CUBN: variants seen among roughly 807,000 people sequenced by gnomAD.
The protein encoded by CUBN is 460 kDa receptor.
A neutral mutation model predicts 405.3 loss-of-function variants in CUBN; 282 were observed. The observed-to-expected ratio is 0.70, with a 90% CI of 0.63 to 0.77. The LOEUF is 0.77. Ranked by LOEUF, CUBN falls within the 30% of genes least tolerant of loss-of-function variation. The pLI is 0.00. For synonymous variants in CUBN, 1,684 were observed against 1,617.0 expected, an observed-to-expected ratio of 1.04 and a Z score of -0.99; for missense variants, 4,514 against 4,475.2, an observed-to-expected ratio of 1.01 and a Z score of -0.25.
rs1835601624 is a variant in CUBN at position 17,065,752 on chromosome 10, A to G, written c.3009-114T>C. The G allele has an allele frequency of 3.2e-6, 4 of 1,237,794 alleles. No homozygotes were observed. The South Asian group carries it at 3.7e-5, about 11-fold the overall frequency. The allele number at this position is 1,237,794 out of a possible 1,614,324, so 76.7% of individuals were successfully genotyped here. A position where few individuals can be genotyped will look rare whatever the true frequency, so the allele number is the denominator to read the frequency against. On this transcript the variant is annotated intron_variant, in intron 21 of 66. Transcript: ENST00000377833. The stretch of plus-strand genomic sequence containing the variant: ...TAATAGGTTTTGTTCTCTACCTCTC[A>G]TCAACCTTAAAACACAAATATATTT...
intron 27 of CUBN, among the ~76,000 whole-genome samples, chr10:17,037,686 C>G (rs763026453): frequency 2.0e-5 from 3 of 152,166 alleles, no homozygotes; most frequent in Non-Finnish European, 4.4e-5. Flanking sequence ...AGATGAGGAC[C>G]AGTTAGGGAA....
chr10:16,884,262 G>C (rs992538713), intron 56 of CUBN, among the ~76,000 whole-genome samples: 2 of 152,172 alleles, frequency 1.3e-5, no homozygotes, highest in East Asian at 3.9e-4. Flanking sequence ...AATTACAGGC[G>C]TGAGCCACCA....
chr10:16,948,605 G>A lies in CUBN; in HGVS notation c.5082C>T (p.Gly1694=). The change falls in exon 35 of 67, where the codon GGC becomes GGT. Residue 1694 remains glycine, a splice_region_variant and synonymous_variant. Transcript: ENST00000377833. ...GGGGCATGTCGGTGCCACAGTAACGGCCTAAATAATGAAGATAATGACAAG... is the reference window on the plus strand; with the variant it reads ...GGGGCATGTCGGTGCCACAGTAACGACCTAAATAATGAAGATAATGACAAG... The part of the protein sequence containing the change: ...DGGHEDAPLR[G]RYCGTDMPHP... The A allele has an allele frequency of 1.2e-6, 2 of 1,613,674 alleles. No individual in the cohort carries two copies. The highest frequency in any genetic ancestry group is 1.7e-6 in the Non-Finnish European group (2 of 1,179,766).
intron 59 of CUBN, among the ~76,000 whole-genome samples, chr10:16,857,707 C>T (rs11254252): frequency 6.6e-6 from 1 of 152,188 alleles, no homozygotes; most frequent in Non-Finnish European, 1.5e-5. Context: ...CAAAAACCTA[C>T]AGCTAACAGC....
At chr10:16,999,929 T>C (rs1389906805) in intron 28 of CUBN, among the ~76,000 whole-genome samples, 2 of 152,124 alleles carry the variant, frequency 1.3e-5, no homozygotes, top group East Asian at 3.9e-4. Flanking sequence ...CCCGGAGAAA[T>C]GGACACAGGT....
rs1564415729 is a variant in CUBN at position 16,906,172 on chromosome 10, A to G, written c.7912+31T>C. ...AAGATAAAAAGAATATTGTAGATAA[A>G]TGGGAAAACGCATTCTTAGATAGAA... On this transcript the variant is annotated intron_variant, in intron 50 of 66. Coordinates refer to ENST00000377833, the MANE Select transcript of CUBN (RefSeq NM_001081.4). 4.1e-6 allele frequency: 6 copies of G among 1,462,608 alleles called. No homozygotes were observed. In the East Asian group the frequency reaches 1.4e-4, roughly 33 times the overall value. The allele number at this position is 1,462,608 out of a possible 1,614,324, so 90.6% of individuals were successfully genotyped here.
At chr10:16,929,745 C>T (rs1258537005) in intron 40 of CUBN, among the ~76,000 whole-genome samples, 1 of 152,150 alleles carries the variant, frequency 6.6e-6, no homozygotes, top group African/African-American at 2.4e-5. Flanking sequence ...TATTTTGCTA[C>T]ACATTTCACC....
At chr10:16,829,665 C>T (rs1357013740) in intron 65 of CUBN, among the ~76,000 whole-genome samples, 1 of 152,180 alleles carries the variant, frequency 6.6e-6, no homozygotes, top group Non-Finnish European at 1.5e-5. Context: ...GACTATATAT[C>T]TGTGGAGATC....
intron 31 of CUBN, among the ~76,000 whole-genome samples, chr10:16,956,844 A>T (rs1843079011): frequency 6.6e-6 from 1 of 152,086 alleles, no homozygotes. Context: ...TTAAGATTCA[A>T]TTTTATGAAT....
chr10:17,103,234 C>A lies in CUBN; in HGVS notation c.1421G>T (p.Cys474Phe), dbSNP rs1187078141. 3.1e-6 allele frequency: 5 copies of A among 1,593,774 alleles called. No individual in the cohort carries two copies. The highest frequency in any genetic ancestry group is 4.3e-6 in the Non-Finnish European group (5 of 1,161,676). ...GALCQVPQQV[C>F]GESLSGINGS... The stretch of plus-strand genomic sequence containing the variant: ...ATTTATTCCTGAGAGGGACTCTCCA[C>A]AAACTGCAAAGGAAAAGATGAACTG... The change falls in exon 13 of 67, where the codon TGT becomes TTT. Residue 474 changes from cysteine to phenylalanine, a missense_variant. This residue lies in a region of CUBN where 1,448 missense variants were observed against 1,388.0 expected (regional missense o/e 1.04). Transcript: ENST00000377833.
At chr10:17,029,471 G>C (rs1834743223) in intron 27 of CUBN, among the ~76,000 whole-genome samples, 1 of 152,296 alleles carries the variant, frequency 6.6e-6, no homozygotes, top group East Asian at 1.9e-4. Flanking sequence ...CTAACTAATG[G>C]ATATACTTCA....
intron 31 of CUBN, among the ~76,000 whole-genome samples, chr10:16,956,266 T>C (rs1843061641): frequency 6.6e-6 from 1 of 152,112 alleles, no homozygotes; most frequent in Non-Finnish European, 1.5e-5. Flanking sequence ...TTAAAACAAA[T>C]GTGGGTCTGT....
chr10:17,119,093 C>A (rs2131318550), intron 6 of CUBN, among the ~76,000 whole-genome samples: 1 of 152,244 alleles, frequency 6.6e-6, no homozygotes, highest in African/African-American at 2.4e-5. Flanking sequence ...ATTTTACTGA[C>A]TGAGTGAAAA....
At chr10:17,047,762 T>G (rs1835173046) in intron 22 of CUBN, among the ~76,000 whole-genome samples, 159 bp from the exon 23 acceptor site, 1 of 152,122 alleles carries the variant, frequency 6.6e-6, no homozygotes, top group Non-Finnish European at 1.5e-5. Flanking sequence ...ACAAAGTTTT[T>G]GTAATCTTAA....
chr10:17,072,190 A>C (rs1339341614), intron 17 of CUBN, among the ~76,000 whole-genome samples: 1 of 152,206 alleles, frequency 6.6e-6, no homozygotes, highest in Admixed American at 6.5e-5. Context: ...GTCCAAAAGC[A>C]CAAGAATTTA....
At chr10:17,016,608 A>T (rs1167564989) in intron 28 of CUBN, among the ~76,000 whole-genome samples, 2 of 152,168 alleles carry the variant, frequency 1.3e-5, no homozygotes, top group Non-Finnish European at 2.9e-5. Flanking sequence ...TTTAAATCAG[A>T]GAGGGAGAAG....
intron 40 of CUBN, among the ~76,000 whole-genome samples, chr10:16,929,840 T>C (rs574560031): frequency 1.3e-5 from 2 of 152,344 alleles, no homozygotes; most frequent in East Asian, 3.8e-4. Context: ...TTCACGTGTA[T>C]ATTTTATCAC....
At chr10:16,935,879 CAAAAAAAAAAAA>C (rs369098280) in intron 39 of CUBN, among the ~76,000 whole-genome samples, 1 of 71,416 alleles carries the variant, frequency 1.4e-5, no homozygotes, top group Non-Finnish European at 2.6e-5. Context: ...GACTCCATCT[CAAAAAAAAAAAA>C]AAAAAGAAAA....
chr10:17,071,714 A>T (rs1369339466), intron 18 of CUBN, 110 bp from the exon 19 acceptor site: 1 of 1,482,720 alleles, frequency 6.7e-7, no homozygotes, highest in Non-Finnish European at 9.3e-7. Flanking sequence ...TAACATTTCT[A>T]TGAGAATATT....
Sources: allele counts gnomAD v4.1 joint callset (sites outside exome capture counted in the v4.1 genomes callset), GRCh38; gene constraint gnomAD v4.1.1; regional missense constraint gnomAD v4.1.1; transcripts MANE v1.5; gene names NCBI Gene and HGNC (gene_info 2026-07-23, HGNC 2026-07-21).